Variants in MTTP observed in about 807,000 individuals in gnomAD.
The protein encoded by MTTP is microsomal triglyceride transfer protein large subunit.
In MTTP, 49 loss-of-function variants were observed where a neutral mutation model predicts 90.6. That is an observed-to-expected ratio of 0.54 (90% CI 0.43 to 0.69). The LOEUF is 0.69. Among genes scored for constraint, MTTP ranks in the 30% least tolerant of loss-of-function variants. The pLI is 0.00. For missense variants in MTTP, 945 were observed against 1,067.5 expected, an observed-to-expected ratio of 0.89 and a Z score of 1.60; for synonymous variants, 347 against 384.2, an observed-to-expected ratio of 0.90 and a Z score of 1.13.
intron 12 of MTTP, among the ~76,000 whole-genome samples, chr4:99,609,332 C>T (rs979160194): frequency 6.6e-6 from 1 of 152,144 alleles, no homozygotes; most frequent in African/African-American, 2.4e-5. Context: ...TTCATTGTAA[C>T]ATTTCAAGTG....
At chr4:99,585,155 G>C (rs1206676966) in intron 3 of MTTP, among the ~76,000 whole-genome samples, 2 of 152,100 alleles carry the variant, frequency 1.3e-5, no homozygotes, top group Non-Finnish European at 2.9e-5. Context: ...TTTGATAAAG[G>C]TTTTACTTAT....
In MTTP at chr4:99,623,736, G is replaced by A. The variant is rs530068381; in HGVS notation, c.*888G>A. ...TCTGCACAATAGCTAGGATGACTAA[G>A]AGAACATTGCTTCAAGAAACTGGTG... On this transcript the variant is annotated 3_prime_UTR_variant, in exon 18 of 18. Transcript: ENST00000265517. The A allele has an allele frequency of 1.3e-5, 2 of 152,228 alleles. No homozygotes were observed. Among genetic ancestry groups the A allele is most frequent in the East Asian group, 1.9e-4 (1 of 5,194 alleles). The allele number at this position is 152,228 out of a possible 1,614,324, so 9.4% of individuals were successfully genotyped here.
chr4:99,620,484 T>C (rs935397201), intron 16 of MTTP, among the ~76,000 whole-genome samples: 5 of 152,206 alleles, frequency 3.3e-5, no homozygotes, highest in Admixed American at 6.5e-5. Flanking sequence ...ACCATATTTT[T>C]CCTCCTAGGA....
chr4:99,576,394 T>C (rs1724958151), intron 1 of MTTP, among the ~76,000 whole-genome samples: 1 of 152,164 alleles, frequency 6.6e-6, no homozygotes, highest in Non-Finnish European at 1.5e-5. Flanking sequence ...TGTTTTCAAA[T>C]ATACTTATAA....
chr4:99,571,140 CTT>C (rs766414722), upstream of MTTP, among the ~76,000 whole-genome samples: 1 of 151,946 alleles, frequency 6.6e-6, no homozygotes, highest in African/African-American at 2.4e-5. Context: ...CTTGACCTCT[CTT>C]TAACATTTTT....
intron 14 of MTTP, among the ~76,000 whole-genome samples, chr4:99,611,896 C>T (rs917908192): frequency 7.9e-5 from 12 of 152,114 alleles, no homozygotes; most frequent in Non-Finnish European, 1.6e-4. Flanking sequence ...TAAAACCCTT[C>T]ATAATAGAAT....
chr4:99,605,125 G>C (rs1034362949), intron 10 of MTTP, among the ~76,000 whole-genome samples: 2 of 151,930 alleles, frequency 1.3e-5, no homozygotes, highest in African/African-American at 2.4e-5. Context: ...ATGTGAAATA[G>C]TAATGTGGTT....
intron 9 of MTTP, 23 bp downstream of exon 9, chr4:99,600,756 A>G: frequency 6.2e-7 from 1 of 1,609,310 alleles, no homozygotes; most frequent in Non-Finnish European, 8.5e-7. Context: ...GAAAATAAAG[A>G]CCCTCAACTC....
chr4:99,621,369 T>A, intron 17 of MTTP, 138 bp downstream of exon 17: 1 of 1,149,810 alleles, frequency 8.7e-7, no homozygotes, highest in Non-Finnish European at 1.3e-6. Context: ...TTTAAATGAG[T>A]AGAAGAATAA....
chr4:99,597,824 A>C (rs886630464), intron 8 of MTTP, among the ~76,000 whole-genome samples: 2 of 152,226 alleles, frequency 1.3e-5, no homozygotes, highest in African/African-American at 4.8e-5. Flanking sequence ...TCCCCAAAAC[A>C]TTGCATCTGT....
intron 15 of MTTP, 87 bp downstream of exon 15, chr4:99,613,227 G>GA: frequency 2.4e-6 from 3 of 1,240,654 alleles, no homozygotes; most frequent in Non-Finnish European, 3.4e-6. Context: ...GAGGATACAA[G>GA]ACAAAATTGT....
chr4:99,599,669 A>G (rs564587347), intron 8 of MTTP, among the ~76,000 whole-genome samples: 2 of 152,286 alleles, frequency 1.3e-5, no homozygotes, highest in South Asian at 4.1e-4. Flanking sequence ...CATTTTACAG[A>G]TGAAGAACTT....
At chr4:99,618,378 C>G (rs1253982352) in intron 15 of MTTP, among the ~76,000 whole-genome samples, 5 of 152,176 alleles carry the variant, frequency 3.3e-5, no homozygotes, top group Non-Finnish European at 7.3e-5. Flanking sequence ...ACTGTATTTG[C>G]CACAGCACAT....
At chr4:99,565,655 G>T (rs1388052286) in intron 1 of MTTP, among the ~76,000 whole-genome samples, 1 of 152,160 alleles carries the variant, frequency 6.6e-6, no homozygotes, top group Non-Finnish European at 1.5e-5. Flanking sequence ...GGAGCCAGCA[G>T]TAAATAAATA....
At chr4:99,591,483 C>CA in intron 5 of MTTP, 132 bp downstream of exon 5, 1 of 1,090,488 alleles carries the variant, frequency 9.2e-7, no homozygotes, top group Non-Finnish European at 1.4e-6. Flanking sequence ...GCTACAAATT[C>CA]ACACATATGT....
intron 1 of MTTP, among the ~76,000 whole-genome samples, chr4:99,580,778 C>T (rs1016874588): frequency 6.6e-6 from 1 of 151,946 alleles, no homozygotes; most frequent in Non-Finnish European, 1.5e-5. Flanking sequence ...TTTTGACCAC[C>T]ATTTCCTCTG....
At position 99,606,819 on chromosome 4, in the gene MTTP, G is replaced by A; in HGVS notation, c.1416G>A (p.Met472Ile). Residue 472 changes from methionine to isoleucine, a missense_variant, in exon 11 of 18, where the codon ATG becomes ATA. Met to Ile is a conservative substitution (Grantham distance 10). Coordinates refer to ENST00000265517, the MANE Select transcript of MTTP (RefSeq NM_001386140.1). ...EKAEKKEDTR[M>I]YLLALKNALL... ...CAGAGAAAAAAGAGGACACCAGGAT[G>A]TATCTGCTGGCTTTGAAGAATGCCC... The A allele has an allele frequency of 6.2e-7, 1 of 1,614,144 alleles. No individual in the cohort carries two copies. The highest frequency in any genetic ancestry group is 8.5e-7 in the Non-Finnish European group (1 of 1,180,020).
At chr4:99,575,694 G>A (rs1724939362) in intron 1 of MTTP, among the ~76,000 whole-genome samples, 1 of 152,188 alleles carries the variant, frequency 6.6e-6, no homozygotes, top group African/African-American at 2.4e-5. Flanking sequence ...TAAAACTGTT[G>A]TGAAGTGTAT....
intron 8 of MTTP, 54 bp downstream of exon 8, chr4:99,597,278 T>C (rs1725581886): frequency 2.5e-6 from 4 of 1,599,928 alleles, no homozygotes; most frequent in Admixed American, 1.7e-5. Flanking sequence ...TTCTGGATTG[T>C]TGGTTTTTTG....
Sources: gnomAD v4.1 joint callset for allele counts (sites outside exome capture counted in the v4.1 genomes callset) on GRCh38, gnomAD v4.1.1 for gene constraint, MANE v1.5 for transcripts, NCBI Gene and HGNC (gene_info 2026-07-23, HGNC 2026-07-21) for gene names.